Variants in RAP1GDS1 observed in about 807,000 individuals in gnomAD.
RAP1GDS1 encodes RAP1, GTP-GDP dissociation stimulator 1.
RAP1GDS1 carries 35 observed loss-of-function variants against 71.1 expected under a neutral mutation model. That is an observed-to-expected ratio of 0.49 (90% CI 0.38 to 0.65). The LOEUF (loss-of-function observed/expected upper bound fraction) is 0.65. Among genes scored for constraint, RAP1GDS1 ranks in the 30% least tolerant of loss-of-function variants. The pLI is 0.00. For synonymous variants in RAP1GDS1, 229 were observed against 243.1 expected (o/e 0.94, Z 0.54); for missense variants, 663 against 706.1 (o/e 0.94, Z 0.69).
At chr4:98,439,719 A>G (rs774454545) in intron 14 of RAP1GDS1, among the ~76,000 whole-genome samples, 7 of 151,990 alleles carry the variant, frequency 4.6e-5, no homozygotes, top group Non-Finnish European at 8.8e-5. Flanking sequence ...TTTTTATTTC[A>G]GTTATATATT....
intron 14 of RAP1GDS1, among the ~76,000 whole-genome samples, chr4:98,440,984 C>T (rs545961539): frequency 1.6e-4 from 24 of 152,328 alleles, no homozygotes; most frequent in Non-Finnish European, 2.9e-4. Context: ...TGAGCCACCA[C>T]GCCTGGCCCA....
At chr4:98,306,031 G>A (rs1343809144) in intron 2 of RAP1GDS1, among the ~76,000 whole-genome samples, 1 of 152,142 alleles carries the variant, frequency 6.6e-6, no homozygotes, top group African/African-American at 2.4e-5. Context: ...AAAAAGAGAT[G>A]AATTTGTTCT....
intron 2 of RAP1GDS1, among the ~76,000 whole-genome samples, chr4:98,316,046 G>C (rs12509125): frequency 0.16 from 24,908 of 152,048 alleles, 3,330 homozygotes; most frequent in African/African-American, 0.36. Context: ...GTGATACCAG[G>C]TAACATACTT....
At chr4:98,264,587 A>C (rs1722476012) in intron 1 of RAP1GDS1, among the ~76,000 whole-genome samples, 1 of 152,202 alleles carries the variant, frequency 6.6e-6, no homozygotes, top group Admixed American at 6.5e-5. Context: ...GGGAGGACAA[A>C]GATAAAAAGA....
chr4:98,276,621 A>G (rs961610134), intron 1 of RAP1GDS1, among the ~76,000 whole-genome samples: 4 of 152,104 alleles, frequency 2.6e-5, no homozygotes, highest in African/African-American at 9.7e-5. Flanking sequence ...CAGCTTAGAA[A>G]TACATTTCTC....
chr4:98,273,986 A>G (rs1008208051), intron 1 of RAP1GDS1, among the ~76,000 whole-genome samples: 9 of 152,266 alleles, frequency 5.9e-5, no homozygotes, highest in Admixed American at 3.9e-4. Flanking sequence ...AAATATATCT[A>G]TTGCAAATTT....
chr4:98,385,890 A>G (rs1395476258), intron 5 of RAP1GDS1, among the ~76,000 whole-genome samples: 1 of 151,948 alleles, frequency 6.6e-6, no homozygotes, highest in Non-Finnish European at 1.5e-5. Context: ...ACGTTGGAAT[A>G]TAAATTAATT....
At chr4:98,441,395 T>G in intron 14 of RAP1GDS1, 1 of 984,852 alleles carries the variant, frequency 1.0e-6, no homozygotes, top group Non-Finnish European at 1.2e-6. Context: ...AGAAATTTGT[T>G]GAAGGATATG....
chr4:98,348,137 C>T (rs991567996), intron 3 of RAP1GDS1, among the ~76,000 whole-genome samples: 1 of 151,910 alleles, frequency 6.6e-6, no homozygotes, highest in Non-Finnish European at 1.5e-5. Flanking sequence ...CACAACAGGC[C>T]CCGGTGTGTG....
At chr4:98,341,085 G>A (rs1735444799) in intron 2 of RAP1GDS1, among the ~76,000 whole-genome samples, 1 of 152,034 alleles carries the variant, frequency 6.6e-6, no homozygotes. Flanking sequence ...GTGTTTGAGT[G>A]ATAAAGTACA....
At chr4:98,292,781 A>C (rs1362350046) in intron 1 of RAP1GDS1, among the ~76,000 whole-genome samples, 4 of 152,182 alleles carry the variant, frequency 2.6e-5, no homozygotes, top group African/African-American at 9.6e-5. Flanking sequence ...TGGGATTCTC[A>C]ATAACTTTTA....
At chr4:98,404,805 A>C (rs897839266) in intron 7 of RAP1GDS1, among the ~76,000 whole-genome samples, 2 of 152,096 alleles carry the variant, frequency 1.3e-5, no homozygotes, top group Admixed American at 6.5e-5. Context: ...GGTTCCTTTG[A>C]TTTTAAAATC....
At chr4:98,374,695 G>A (rs1482022331) in intron 4 of RAP1GDS1, among the ~76,000 whole-genome samples, 1 of 152,162 alleles carries the variant, frequency 6.6e-6, no homozygotes, top group Non-Finnish European at 1.5e-5. Flanking sequence ...TTTTGTTGTT[G>A]CTCACCTTAC....
intron 3 of RAP1GDS1, among the ~76,000 whole-genome samples, chr4:98,345,369 A>T (rs951268584): frequency 1.3e-5 from 2 of 152,238 alleles, no homozygotes; most frequent in African/African-American, 4.8e-5. Context: ...TTGTACGCAC[A>T]AAAAGAATCT....
intron 13 of RAP1GDS1, among the ~76,000 whole-genome samples, chr4:98,436,096 A>C (rs1231067015): frequency 1.3e-5 from 2 of 150,232 alleles, no homozygotes; most frequent in Non-Finnish European, 2.9e-5. Flanking sequence ...ATATATATAT[A>C]TATCGGTATA....
intron 1 of RAP1GDS1, among the ~76,000 whole-genome samples, chr4:98,287,291 CATAA>C (rs1226158748): frequency 6.6e-6 from 1 of 152,148 alleles, no homozygotes; most frequent in Non-Finnish European, 1.5e-5. Context: ...AAAATAATCT[CATAA>C]ATAGATTACA....
At chr4:98,325,639 G>C (rs985064899) in intron 2 of RAP1GDS1, among the ~76,000 whole-genome samples, 1 of 150,602 alleles carries the variant, frequency 6.6e-6, no homozygotes. Context: ...GGATGAAATT[G>C]GAAATCATCA....
chr4:98,411,897 C>G (rs941957295), intron 7 of RAP1GDS1, among the ~76,000 whole-genome samples: 1 of 152,198 alleles, frequency 6.6e-6, no homozygotes, highest in African/African-American at 2.4e-5. Context: ...CCACACATCT[C>G]TAGCCCTAGC....
intron 2 of RAP1GDS1, among the ~76,000 whole-genome samples, chr4:98,309,206 G>C (rs1560810640): frequency 6.6e-6 from 1 of 151,842 alleles, no homozygotes. Flanking sequence ...TGGCCTTAAA[G>C]ACTGTTTTTG....
Sources: allele counts gnomAD v4.1 joint callset (sites outside exome capture counted in the v4.1 genomes callset), GRCh38; gene constraint gnomAD v4.1.1; transcripts MANE v1.5; gene names NCBI Gene and HGNC (gene_info 2026-07-23, HGNC 2026-07-21).